TMEM132E: variants seen among roughly 807,000 people sequenced by gnomAD.
TMEM132E encodes the protein transmembrane protein 132E.
Under a neutral mutation model 78.5 loss-of-function variants are expected in TMEM132E, and 49 were observed. The ratio of observed to expected loss-of-function variants is 0.62; its 90% CI spans 0.50 to 0.79. The LOEUF (loss-of-function observed/expected upper bound fraction) is 0.79. TMEM132E is among the 30% of genes least tolerant of loss of function. The pLI is 0.00. For synonymous variants in TMEM132E, 715 were observed against 670.6 expected (o/e 1.07, Z -1.02); for missense variants, 1,403 against 1,470.9 (o/e 0.95, Z 0.75).
intron 5 of TMEM132E, among the ~76,000 whole-genome samples, chr17:34,631,235 A>G (rs1278670394): frequency 6.6e-6 from 1 of 152,088 alleles, no homozygotes; most frequent in Non-Finnish European, 1.5e-5. Context: ...GGCTCACCTC[A>G]TCTATCCATG....
intron 1 of TMEM132E, among the ~76,000 whole-genome samples, chr17:34,623,856 C>T (rs569374817): frequency 3.3e-5 from 5 of 152,312 alleles, no homozygotes; most frequent in Admixed American, 2.0e-4. Context: ...GCTGCAGGGA[C>T]ACGTTATGAG....
In TMEM132E at chr17:34,638,262, C is replaced by CCA. The variant is rs761279519; in HGVS notation, c.*31_*32insAC. 8.8e-6 allele frequency: 13 copies of CCA among 1,473,508 alleles called. No individual in the cohort carries two copies. The South Asian group carries it at 1.4e-4, about 16-fold the overall frequency. 91.3% of individuals were successfully genotyped at this position (1,473,508 alleles called of 1,614,324 possible). ...GCCAGCCGGAGTAGCAGGGACCCCC[C>CCA]CCCCCAACGGGGTCAGCTCGGGGTA... On this transcript the variant is annotated 3_prime_UTR_variant, in exon 9 of 9. Coordinates refer to ENST00000631683, the MANE Select transcript of TMEM132E (RefSeq NM_001304438.2).
chr17:34,586,174 C>CAAGTGGA (rs1009004042), intron 1 of TMEM132E, among the ~76,000 whole-genome samples: 33 of 152,188 alleles, frequency 2.2e-4, no homozygotes, highest in African/African-American at 7.7e-4. Context: ...CCGATGCTAA[C>CAAGTGGA]AAGTGGAAGA....
chr17:34,582,601 G>A (rs1905532903), intron 1 of TMEM132E, among the ~76,000 whole-genome samples: 1 of 152,098 alleles, frequency 6.6e-6, no homozygotes, highest in South Asian at 2.1e-4. Context: ...AGCCAGCAGG[G>A]GGGCGAGGGT....
In TMEM132E at chr17:34,626,717, G is replaced by C; in HGVS notation, c.658G>C (p.Glu220Gln). 1 of 1,380,056 alleles carries C rather than the reference G, an allele frequency of 7.2e-7. No homozygotes were observed. Among genetic ancestry groups the C allele is most frequent in the Non-Finnish European group, 9.5e-7 (1 of 1,051,470 alleles). 85.5% of individuals were successfully genotyped at this position (1,380,056 alleles called of 1,614,324 possible). The stretch of plus-strand genomic sequence containing the variant: ...CCGCCGCAAGTCCCCGGACGGGCTG[G>C]AGCCCGAGGCGACGGGGGAGAGCCA... ...TARRKSPDGL[E>Q]PEATGESQQA... Residue 220 changes from glutamate (E) to glutamine (Q), a missense_variant, in exon 2 of 9, where the codon GAG becomes CAG. Transcript: ENST00000631683.
intron 6 of TMEM132E, 67 bp from the exon 7 acceptor site, chr17:34,634,731 GC>G: frequency 6.6e-7 from 1 of 1,507,490 alleles, no homozygotes; most frequent in Non-Finnish European, 8.9e-7. Context: ...GGGCAAGGGT[GC>G]GGGGTGTGTA....
At chr17:34,628,780 A>G in intron 3 of TMEM132E, 71 bp downstream of exon 3, 1 of 1,480,842 alleles carries the variant, frequency 6.8e-7, no homozygotes, top group Non-Finnish European at 9.0e-7. Flanking sequence ...GGAATCTTTG[A>G]AGGAGGAGGC....
intron 1 of TMEM132E, among the ~76,000 whole-genome samples, chr17:34,619,183 C>T (rs1362197749): frequency 6.6e-6 from 1 of 152,158 alleles, no homozygotes; most frequent in African/African-American, 2.4e-5. Flanking sequence ...CATGCCCCCT[C>T]TCATTCATTC....
In TMEM132E at chr17:34,626,694, GC is replaced by G; in HGVS notation, c.637del (p.Arg213AlafsTer82). 7.2e-7 allele frequency: 1 copy of G among 1,389,890 alleles called. No homozygotes were observed. The highest frequency in any genetic ancestry group is 2.6e-5 in the East Asian group (1 of 38,340). The allele number at this position is 1,389,890 out of a possible 1,614,324, so 86.1% of individuals were successfully genotyped here. A position where few individuals can be genotyped will look rare whatever the true frequency, so the allele number is the denominator to read the frequency against. On this transcript the variant is annotated frameshift_variant, in exon 2 of 9. Transcript: ENST00000631683. LOFTEE classifies it high-confidence loss of function. ...GCCCCCGCTGCGCCACCCACGGCCC[GC>G]CGCAAGTCCCCGGACGGGCTGGAGC... ...PPAPAAPPTA[R>X]RKSPDGLEPE...
chr17:34,594,237 T>A (rs567610915), intron 1 of TMEM132E, among the ~76,000 whole-genome samples: 38 of 152,330 alleles, frequency 2.5e-4, no homozygotes, highest in African/African-American at 6.3e-4. Flanking sequence ...TCAATAATGA[T>A]CTGCGGGATG....
chr17:34,621,807 G>T (rs558210415), intron 1 of TMEM132E, among the ~76,000 whole-genome samples: 1 of 150,700 alleles, frequency 6.6e-6, no homozygotes, highest in African/African-American at 2.5e-5. Flanking sequence ...GGGGCGGGCA[G>T]GTGCCAGCCT....
At chr17:34,605,869 G>A (rs893883887) in intron 1 of TMEM132E, among the ~76,000 whole-genome samples, 8 of 152,138 alleles carry the variant, frequency 5.3e-5, no homozygotes, top group East Asian at 3.9e-4. Context: ...TTCTCGTGGC[G>A]AAAAGGCCCA....
At position 34,630,124 on chromosome 17, in the gene TMEM132E, C is replaced by T. The variant is rs568390488; in HGVS notation, c.1455C>T (p.Cys485=). The part of the protein sequence containing the change: ...LVLDISALVE[C]ESDNEDIIKV... ...TGGACATCTCCGCCCTAGTGGAATG[C>T]GAGTCTGACAATGAAGACATCATCA... The change falls in exon 5 of 9, where the codon TGC becomes TGT. Residue 485 remains cysteine (C), a synonymous_variant. Transcript: ENST00000631683. 46 of 1,612,800 alleles carry T rather than the reference C, an allele frequency of 2.9e-5. No individual in the cohort carries two copies. The highest frequency in any genetic ancestry group is 1.1e-4 in the South Asian group (10 of 91,000).
chr17:34,595,460 C>T (rs1053405160), intron 1 of TMEM132E, among the ~76,000 whole-genome samples: 2 of 152,218 alleles, frequency 1.3e-5, no homozygotes, highest in Non-Finnish European at 2.9e-5. Flanking sequence ...GCCCTGCATA[C>T]AGCTGGCACT....
intron 1 of TMEM132E, among the ~76,000 whole-genome samples, chr17:34,583,523 CT>C (rs1315430825): frequency 6.6e-6 from 1 of 152,254 alleles, no homozygotes; most frequent in Non-Finnish European, 1.5e-5. Context: ...CCCCTTCCCT[CT>C]GTTAAGAATA....
intron 1 of TMEM132E, among the ~76,000 whole-genome samples, chr17:34,583,751 C>T (rs1334752901): frequency 6.6e-6 from 1 of 152,252 alleles, no homozygotes; most frequent in African/African-American, 2.4e-5. Flanking sequence ...GGCTGCCTCC[C>T]TCACATTCCC....
rs1178401679 is a variant in TMEM132E, at chr17:34,634,365, T to G, written c.1689-434T>G. On this transcript the variant is annotated intron_variant, in intron 6 of 8. Transcript: ENST00000631683. ...AATCTCCTCAGTTAAATGTCCGAGT[T>G]CATCACCTACAGGTCCTGCTTAGTT... Among the ~76,000 whole-genome samples, 6 of 152,222 alleles carry G rather than the reference T, an allele frequency of 3.9e-5. No homozygotes were observed. The East Asian group carries it at 1.2e-3, about 29-fold the overall frequency.
At chr17:34,613,211 A>AAACACGCGCG (rs1555563344) in intron 1 of TMEM132E, among the ~76,000 whole-genome samples, 6 of 115,856 alleles carry the variant, frequency 5.2e-5, no homozygotes, top group Non-Finnish European at 7.3e-5. Flanking sequence ...ACACACACAC[A>AAACACGCGCG]CGCGCGCGCG....
chr17:34,598,842 C>T (rs1461260155), intron 1 of TMEM132E, among the ~76,000 whole-genome samples: 1 of 152,136 alleles, frequency 6.6e-6, no homozygotes, highest in East Asian at 1.9e-4. Flanking sequence ...TTTGGGTTTC[C>T]CTGGGGTGGG....
Sources: gnomAD v4.1 joint callset for allele counts (sites outside exome capture counted in the v4.1 genomes callset) on GRCh38, gnomAD v4.1.1 for gene constraint, MANE v1.5 for transcripts, NCBI Gene and HGNC (gene_info 2026-07-23, HGNC 2026-07-21) for gene names.